The following CDH5 variants were observed in gnomAD, a reference collection of about 807,000 sequenced individuals.
The protein encoded by CDH5 is cadherin 5.
CDH5 carries 28 observed loss-of-function variants against 62.0 expected under a neutral mutation model. That is an observed-to-expected ratio of 0.45 (90% CI 0.33 to 0.62). CDH5 has a LOEUF of 0.62. Ranked by LOEUF, CDH5 falls within the 20% of genes least tolerant of loss-of-function variation. The pLI is 0.02. For synonymous variants in CDH5, 464 were observed against 445.8 expected, an observed-to-expected ratio of 1.04 and a Z score of -0.52; for missense variants, 940 against 1,065.1, an observed-to-expected ratio of 0.88 and a Z score of 1.63.
chr16:66,389,561 G>T, intron 5 of CDH5, 39 bp downstream of exon 5: 1 of 1,490,726 alleles, frequency 6.7e-7, no homozygotes, highest in Non-Finnish European at 9.0e-7. Context: ...GGGGGGCTGG[G>T]ATACCCCAGA....
intron 1 of CDH5, among the ~76,000 whole-genome samples, chr16:66,369,980 TTTTG>T (rs58584593): frequency 0.56 from 84,088 of 150,302 alleles, 25,254 homozygotes; most frequent in African/African-American, 0.79. Context: ...CTGGAGACTT[TTTTG>T]TTTGTTTGTT....
At chr16:66,367,872 C>T (rs1960615733) in intron 1 of CDH5, among the ~76,000 whole-genome samples, 1 of 152,156 alleles carries the variant, frequency 6.6e-6, no homozygotes, top group African/African-American at 2.4e-5. Flanking sequence ...ATCCCTGGTG[C>T]TGGGAATGGC....
chr16:66,393,089 C>T (rs1232812375), intron 7 of CDH5: 2 of 152,182 alleles, frequency 1.3e-5, no homozygotes, highest in Admixed American at 6.5e-5. Flanking sequence ...CTTTTTAGAG[C>T]CATATAATAT....
chr16:66,375,668 G>A (rs1428117981), intron 1 of CDH5, among the ~76,000 whole-genome samples: 1 of 152,118 alleles, frequency 6.6e-6, no homozygotes, highest in African/African-American at 2.4e-5. Flanking sequence ...GAGTGGCCTA[G>A]GACGTCACTG....
intron 7 of CDH5, chr16:66,395,395 G>A (rs11649312): frequency 0.71 from 107,180 of 151,020 alleles, 38,251 homozygotes; most frequent in East Asian, 0.81. Context: ...CGTAAGTGTC[G>A]TCAGGATTTG....
At chr16:66,369,565 T>C (rs1960647371) in intron 1 of CDH5, among the ~76,000 whole-genome samples, 1 of 152,198 alleles carries the variant, frequency 6.6e-6, no homozygotes. Flanking sequence ...AAGGGCCTCA[T>C]TCTGTTCCCC....
rs142924649 is a variant in CDH5, at chr16:66,389,428, G to A, written c.687G>A (p.Ala229=). ...CCAGGTATGAGATCGTGGTGGAAGC[G>A]CGAGATGCCCAGGGCCTCCGGGGGG... ...KQARYEIVVE[A]RDAQGLRGDS... Residue 229 remains alanine (A), a synonymous_variant, in exon 5 of 12, where the codon GCG becomes GCA. Coordinates refer to ENST00000341529, the MANE Select transcript of CDH5 (RefSeq NM_001795.5). 138 of 1,613,444 alleles carry A rather than the reference G, an allele frequency of 8.6e-5. No individual in the cohort carries two copies. Among genetic ancestry groups the A allele is most frequent in the Non-Finnish European group, 9.7e-5 (115 of 1,179,710 alleles).
At chr16:66,370,803 C>CA (rs1306794117) in intron 1 of CDH5, among the ~76,000 whole-genome samples, 1 of 152,214 alleles carries the variant, frequency 6.6e-6, no homozygotes, top group East Asian at 1.9e-4. Flanking sequence ...ACAGCCTGGG[C>CA]AAAAAGCCTG....
rs745701770 is a variant in CDH5 at position 66,402,835 on chromosome 16, C to A, written c.2021C>A (p.Pro674Gln). Residue 674 changes from proline to glutamine, a missense_variant, in exon 12 of 12, where the codon CCG becomes CAG. Transcript: ENST00000341529. ...NSVRRGGAKP[P>Q]RPALDARPSL... ...GTGCGCCGCGGCGGGGCCAAGCCCC[C>A]GCGGCCCGCGCTGGACGCCCGGCCT... 2 of 1,598,114 alleles carry A rather than the reference C, an allele frequency of 1.3e-6. No homozygotes were observed. Among genetic ancestry groups the A allele is most frequent in the Non-Finnish European group, 1.7e-6 (2 of 1,173,292 alleles).
chr16:66,377,168 T>A (rs1245658308), intron 1 of CDH5: 3 of 152,234 alleles, frequency 2.0e-5, no homozygotes, highest in Admixed American at 6.5e-5. Context: ...GCCTGCCGCC[T>A]CCCCTGAGTC....
At chr16:66,397,161 T>G (rs890331027) in intron 8 of CDH5, among the ~76,000 whole-genome samples, 1 of 152,216 alleles carries the variant, frequency 6.6e-6, no homozygotes. Flanking sequence ...GATATTATAT[T>G]CCACATTTTT....
At chr16:66,393,912 T>G (rs1409590683) in intron 7 of CDH5, among the ~76,000 whole-genome samples, 1 of 152,206 alleles carries the variant, frequency 6.6e-6, no homozygotes, top group African/African-American at 2.4e-5. Flanking sequence ...ATATCCTAAG[T>G]TTTGGGACTA....
intron 2 of CDH5, among the ~76,000 whole-genome samples, chr16:66,383,217 T>C (rs1042912976): frequency 2.0e-5 from 3 of 151,820 alleles, no homozygotes; most frequent in African/African-American, 7.3e-5. Flanking sequence ...AAAAAGACAT[T>C]AGGTAAAAAA....
intron 11 of CDH5, 149 bp from the exon 12 acceptor site, chr16:66,402,502 AT>A: frequency 2.5e-5 from 13 of 525,042 alleles, no homozygotes; most frequent in Non-Finnish European, 4.0e-5. Flanking sequence ...GGCCAAAAGG[AT>A]GGGGTTGCAG....
intron 2 of CDH5, among the ~76,000 whole-genome samples, chr16:66,384,661 C>CA (rs10630303): frequency 0.2 from 20,115 of 101,480 alleles, 2,175 homozygotes; most frequent in South Asian, 0.34. Flanking sequence ...GTACCTGTCT[C>CA]AAAAAAAAAA....
At chr16:66,387,132 C>T in intron 3 of CDH5, 35 bp downstream of exon 3, 1 of 1,583,106 alleles carries the variant, frequency 6.3e-7, no homozygotes, top group South Asian at 1.2e-5. Flanking sequence ...TCCTCCCTCC[C>T]TCATCCCCAG....
intron 1 of CDH5, among the ~76,000 whole-genome samples, chr16:66,368,015 G>A (rs1052378596): frequency 1.3e-5 from 2 of 152,192 alleles, no homozygotes; most frequent in African/African-American, 4.8e-5. Context: ...GTCCTCAGGT[G>A]CCCAGCAGGT....
intron 7 of CDH5, 180 bp downstream of exon 7, chr16:66,392,563 C>T: frequency 1.4e-6 from 1 of 736,128 alleles, no homozygotes; most frequent in South Asian, 1.9e-5. Flanking sequence ...GCATCTTGAC[C>T]TGCCTGGACT....
At chr16:66,391,419 G>C (rs1439271588) in intron 6 of CDH5, among the ~76,000 whole-genome samples, 1 of 152,084 alleles carries the variant, frequency 6.6e-6, no homozygotes, top group Non-Finnish European at 1.5e-5. Flanking sequence ...CCTGAGGGAT[G>C]AGTAGGAGTT....
Sources: gnomAD v4.1 joint callset for allele counts (sites outside exome capture counted in the v4.1 genomes callset) on GRCh38, gnomAD v4.1.1 for gene constraint, MANE v1.5 for transcripts, NCBI Gene and HGNC (gene_info 2026-07-23, HGNC 2026-07-21) for gene names.